B3GALNT1: variants seen among roughly 807,000 people sequenced by gnomAD.
The protein encoded by B3GALNT1 is beta-1,3-N-acetylgalactosaminyltransferase 1 (Globoside blood group), also known as UDP-GalNAc:beta-1,3-N-acetylgalactosaminyltransferase 1.
A neutral mutation model predicts 27.3 loss-of-function variants in B3GALNT1; 17 were observed. The observed-to-expected ratio is 0.62, with a 90% CI of 0.43 to 0.94. The LOEUF is 0.94. B3GALNT1 is among the 40% of genes least tolerant of loss of function. B3GALNT1 has a pLI of 0.00. For synonymous variants in B3GALNT1, 141 were observed against 144.0 expected, an observed-to-expected ratio of 0.98 and a Z score of 0.15; for missense variants, 347 against 390.0, an observed-to-expected ratio of 0.89 and a Z score of 0.93.
rs200435975 is a variant in B3GALNT1, at chr3:161,093,832, T to TA, written c.-34-7045dup. Among the ~76,000 whole-genome samples, 194 of 145,910 alleles carry TA rather than the reference T, an allele frequency of 1.3e-3. 1 individual carries two copies. Among genetic ancestry groups the TA allele is most frequent in the South Asian group, 5.8e-3 (27 of 4,636 alleles). The stretch of plus-strand genomic sequence containing the variant: ...TGAGGGAACAGTGAGACCCCATAGA[T>TA]AAAAAAAAAAAATTTTAAGATAAAC... On this transcript the variant is annotated intron_variant, in intron 4 of 4. Transcript: ENST00000320474.
Position 161,086,424 on chromosome 3 carries a change from C to T in B3GALNT1, c.331G>A (p.Glu111Lys), listed in dbSNP as rs1309602394. ...CCTAATAAGAAAAATGTAAGAACCT[C>T]ATATCCCCACCAAGACTTTTTTTCA... is the stretch of plus-strand genomic sequence containing the variant. ...WGEKKSWWGY[E>K]VLTFFLLGQE... is the part of the protein sequence containing the mutation. The change falls in exon 5 of 5, where the codon GAG (glutamate) becomes AAG (lysine). Residue 111 changes from glutamate (E) to lysine (K), a missense_variant. Glu to Lys is a moderately conservative substitution (Grantham distance 56). Coordinates refer to ENST00000320474, the MANE Select transcript of B3GALNT1 (RefSeq NM_003781.4). The T allele has an allele frequency of 5.0e-6, 8 of 1,613,912 alleles. No individual in the cohort carries two copies. Among genetic ancestry groups the T allele is most frequent in the Non-Finnish European group, 6.8e-6 (8 of 1,180,030 alleles).
At chr3:161,104,111 A>AG (rs1241427341) in intron 2 of B3GALNT1, 10 of 310,134 alleles carry the variant, frequency 3.2e-5, no homozygotes, top group South Asian at 2.7e-4. Flanking sequence ...TTAGTCTATG[A>AG]GGGGAAAAAA....
intron 2 of B3GALNT1, chr3:161,103,851 C>T (rs1021813641): frequency 3.3e-5 from 6 of 179,736 alleles, no homozygotes; most frequent in Non-Finnish European, 4.7e-5. Context: ...CCTCAGCCCC[C>T]CGAGGAACTG....
rs1234685139 is a variant in B3GALNT1, at chr3:161,084,284, T to C, written c.*1475A>G. 2 of 152,234 alleles carry C rather than the reference T, an allele frequency of 1.3e-5. No individual in the cohort carries two copies. The highest frequency in any genetic ancestry group is 3.8e-4 in the East Asian group (2 of 5,204). 9.4% of individuals were successfully genotyped at this position (152,234 alleles called of 1,614,324 possible). A position where few individuals can be genotyped will look rare whatever the true frequency, so the allele number is the denominator to read the frequency against. Reference sequence around the variant, plus strand: ...AGAATATTTCATTTAATTGATTTTATTATAACTGGATTAGGTCTGAGCCCT... The same window carrying C: ...AGAATATTTCATTTAATTGATTTTACTATAACTGGATTAGGTCTGAGCCCT... On this transcript the variant is annotated 3_prime_UTR_variant, in exon 5 of 5. Transcript: ENST00000320474.
rs145912888 is a variant in B3GALNT1, at chr3:161,087,381, C to T, written c.-34-593G>A. 2.8e-3 allele frequency among the ~76,000 whole-genome samples: 427 copies of T among 152,274 alleles called. 3 individuals are homozygous for T. The highest frequency in any genetic ancestry group is 0.01 in the Middle Eastern group (3 of 294). ...AGATTCTTCACCTGAAAGGCAAGTC[C>T]TCCAGACACAAATAGGATCATCTCT... On this transcript the variant is annotated intron_variant, in intron 4 of 4. Coordinates refer to ENST00000320474, the MANE Select transcript of B3GALNT1 (RefSeq NM_003781.4).
At chr3:161,093,525 T>G (rs1726478884) in intron 4 of B3GALNT1, among the ~76,000 whole-genome samples, 1 of 152,118 alleles carries the variant, frequency 6.6e-6, no homozygotes, top group African/African-American at 2.4e-5. Flanking sequence ...CCCGACACTG[T>G]TCTAAATCCC....
chr3:161,104,297 T>C (rs1560022309), intron 2 of B3GALNT1, 22 bp downstream of exon 2: 2 of 1,289,388 alleles, frequency 1.6e-6, no homozygotes, highest in Admixed American at 2.3e-5. Context: ...AGTTGAACAC[T>C]GCAAACCCAA....
chr3:161,100,768 T>G (rs1730826411), intron 4 of B3GALNT1, among the ~76,000 whole-genome samples: 1 of 151,880 alleles, frequency 6.6e-6, no homozygotes, highest in Non-Finnish European at 1.5e-5. Flanking sequence ...ATCTGCATAT[T>G]CCAATAAGAA....
At position 161,084,744 on chromosome 3, in the gene B3GALNT1, A is replaced by C. The variant is rs1392879691; in HGVS notation, c.*1015T>G. Reference sequence around the variant, plus strand: ...AAAGGAAAAAACACAGGGCAGATTAATAATGCAACTTGGATCTTCACTCTT... The same window carrying C: ...AAAGGAAAAAACACAGGGCAGATTACTAATGCAACTTGGATCTTCACTCTT... On this transcript the variant is annotated 3_prime_UTR_variant, in exon 5 of 5. Coordinates refer to ENST00000320474, the MANE Select transcript of B3GALNT1 (RefSeq NM_003781.4). 1 of 152,214 alleles carries C rather than the reference A, an allele frequency of 6.6e-6. No homozygotes were observed. Among genetic ancestry groups the C allele is most frequent in the East Asian group, 1.9e-4 (1 of 5,194 alleles). The allele number at this position is 152,214 out of a possible 1,614,324, so 9.4% of individuals were successfully genotyped here.
At chr3:161,101,064 C>G in intron 4 of B3GALNT1, 75 bp downstream of exon 4, 1 of 1,173,808 alleles carries the variant, frequency 8.5e-7, no homozygotes, top group South Asian at 1.3e-5. Flanking sequence ...CAGGAGAGAC[C>G]AACCTCACAT....
At position 161,084,573 on chromosome 3, in the gene B3GALNT1, G is replaced by A. The variant is rs756900267; in HGVS notation, c.*1186C>T. On this transcript the variant is annotated 3_prime_UTR_variant, in exon 5 of 5. Coordinates refer to ENST00000320474, the MANE Select transcript of B3GALNT1 (RefSeq NM_003781.4). The stretch of plus-strand genomic sequence containing the variant: ...AGTGCTCCCCTTTGACCTACTATTA[G>A]CAGGTCCAACAAATGATATATCACC... The A allele has an allele frequency of 2.6e-5, 4 of 152,114 alleles. No individual in the cohort carries two copies. Among genetic ancestry groups the A allele is most frequent in the Non-Finnish European group, 4.4e-5 (3 of 68,024 alleles). 9.4% of individuals were successfully genotyped at this position (152,114 alleles called of 1,614,324 possible).
chr3:161,087,811 C>A (rs1482956834), intron 4 of B3GALNT1, among the ~76,000 whole-genome samples: 2 of 152,184 alleles, frequency 1.3e-5, no homozygotes, highest in Non-Finnish European at 2.9e-5. Flanking sequence ...ATTTACTGGA[C>A]ATCTGCTTCC....
At chr3:161,098,587 C>T (rs1180868746) in intron 4 of B3GALNT1, among the ~76,000 whole-genome samples, 1 of 152,154 alleles carries the variant, frequency 6.6e-6, no homozygotes, top group African/African-American at 2.4e-5. Context: ...CTGGTGCATG[C>T]CTGTAATGCC....
Position 161,086,198 on chromosome 3 carries a change from T to C in B3GALNT1, c.557A>G (p.Asn186Ser), listed in dbSNP as rs1721666137. The part of the protein sequence containing the change: ...VMKTDTDVFI[N>S]TGNLVKYLLN... ...AAGATACTTCACTAAATTGCCAGTA[T>C]TGATGAAAACATCAGTGTCTGTCTT... Residue 186 changes from asparagine (N) to serine (S), a missense_variant, in exon 5 of 5, where the codon AAT becomes AGT. Coordinates refer to ENST00000320474, the MANE Select transcript of B3GALNT1 (RefSeq NM_003781.4). The C allele has an allele frequency of 6.2e-7, 1 of 1,614,010 alleles. No homozygotes were observed.
rs780564301 is a variant in B3GALNT1 at position 161,084,134 on chromosome 3, A to G, written c.*1625T>C. The G allele has an allele frequency of 2.0e-5, 3 of 152,060 alleles. No individual in the cohort carries two copies. The highest frequency in any genetic ancestry group is 4.4e-5 in the Non-Finnish European group (3 of 68,024). 9.4% of individuals were successfully genotyped at this position (152,060 alleles called of 1,614,324 possible). On this transcript the variant is annotated 3_prime_UTR_variant, in exon 5 of 5. Transcript: ENST00000320474. ...TATTGTATATGTCATTATGCAGTAC[A>G]TAACTGTAATCTTCTGCAAAACCAG...
At chr3:161,095,543 G>C (rs1727651180) in intron 4 of B3GALNT1, among the ~76,000 whole-genome samples, 1 of 152,174 alleles carries the variant, frequency 6.6e-6, no homozygotes, top group East Asian at 1.9e-4. Flanking sequence ...GCTGCCCATG[G>C]GGTTTGGGTT....
rs1329459347 is a variant in B3GALNT1 at position 161,101,178 on chromosome 3, T to TA, written c.-75dup. The TA allele has an allele frequency of 7.8e-7, 1 of 1,289,674 alleles. No homozygotes were observed. The highest frequency in any genetic ancestry group is 1.0e-6 in the Non-Finnish European group (1 of 988,870). The allele number at this position is 1,289,674 out of a possible 1,614,324, so 79.9% of individuals were successfully genotyped here. ...TGAGTAGTCGGAGAGCACCACGTGA[T>TA]AGAGCAGCCAGCGGGAAGAGCCAAC... On this transcript the variant is annotated 5_prime_UTR_variant, in exon 4 of 5. Coordinates refer to ENST00000320474, the MANE Select transcript of B3GALNT1 (RefSeq NM_003781.4).
intron 4 of B3GALNT1, 53 bp from the exon 5 acceptor site, chr3:161,086,841 C>T (rs1346045167): frequency 6.6e-7 from 1 of 1,523,316 alleles, no homozygotes; most frequent in Non-Finnish European, 8.9e-7. Context: ...AACACATTTT[C>T]AAAAGACATC....
chr3:161,096,818 T>C (rs1032703109), intron 4 of B3GALNT1, among the ~76,000 whole-genome samples: 2 of 152,242 alleles, frequency 1.3e-5, no homozygotes, highest in African/African-American at 2.4e-5. Flanking sequence ...GTTCTCACTT[T>C]GCGGCACATT....
Sources: allele counts gnomAD v4.1 joint callset (sites outside exome capture counted in the v4.1 genomes callset), GRCh38; gene constraint gnomAD v4.1.1; transcripts MANE v1.5; gene names NCBI Gene and HGNC (gene_info 2026-07-23, HGNC 2026-07-21).